The following TMEM164 variants were observed in gnomAD, a reference collection of about 807,000 sequenced individuals.
The protein encoded by TMEM164 is transmembrane protein 164.
In TMEM164, 4 loss-of-function variants were observed where a neutral mutation model predicts 18.8. The observed-to-expected ratio is 0.21, with a 90% confidence interval of 0.10 to 0.49. TMEM164 has a LOEUF of 0.49. Among genes scored for constraint, TMEM164 ranks in the 20% least tolerant of loss-of-function variants. The probability of loss-of-function intolerance (pLI) is 0.98; values close to 1 mark genes in which losing one functional copy is unlikely to be tolerated. For missense variants in TMEM164, 108 were observed against 239.9 expected, an observed-to-expected ratio of 0.45 and a Z score of 3.63; for synonymous variants, 86 against 101.7, an observed-to-expected ratio of 0.85 and a Z score of 0.93.
chrX:110,077,123 G>T (rs1020121461), intron 3 of TMEM164, among the ~76,000 whole-genome samples: 2 of 112,198 alleles, frequency 1.8e-5, no homozygotes, highest in Non-Finnish European at 3.8e-5. Flanking sequence ...TGTGTTTTAT[G>T]AATTTGGGTG....
intron 2 of TMEM164, among the ~76,000 whole-genome samples, chrX:110,005,591 T>C (rs912309445): frequency 8.0e-5 from 9 of 112,314 alleles, no homozygotes; most frequent in African/African-American, 2.9e-4. Flanking sequence ...GTGGCTGTTT[T>C]TGATTGGGTG....
chrX:110,067,593 G>A lies in TMEM164; in HGVS notation c.440+197G>A, dbSNP rs150381887. Among the ~76,000 whole-genome samples the A allele has an allele frequency of 6.3e-3, 710 of 112,249 alleles. 6 individuals carry two copies. Among genetic ancestry groups the A allele is most frequent in the African/African-American group, 0.022 (690 of 30,923 alleles). On this transcript the variant is annotated intron_variant, in intron 3 of 6. Coordinates refer to ENST00000372068, the MANE Select transcript of TMEM164 (RefSeq NM_032227.4). ...GTGAAGACCTGGTTTTTGTCAAGCC[G>A]TCAAATCCTTTTTAGCAAATCCTTC...
chrX:110,106,346 A>G (rs1275165097), intron 3 of TMEM164, among the ~76,000 whole-genome samples: 3 of 107,495 alleles, frequency 2.8e-5, no homozygotes, highest in East Asian at 5.8e-4. Context: ...TTTGAGGTCC[A>G]TGGCAAAGCC....
rs897937430 is a variant in TMEM164, at chrX:110,132,470, A to G, written c.508-12328A>G. On this transcript the variant is annotated intron_variant, in intron 4 of 6. Transcript: ENST00000372068. The stretch of plus-strand genomic sequence containing the variant: ...CTCTTTTTGAAGTTTTATCTCTCTC[A>G]TATGCACAGAGATATTTATATTCAT... Among the ~76,000 whole-genome samples the G allele has an allele frequency of 2.3e-4, 26 of 111,596 alleles. 1 individual carries two copies. The highest frequency in any genetic ancestry group is 8.5e-4 in the African/African-American group (26 of 30,654).
At chrX:110,141,030 A>G (rs962206332) in intron 4 of TMEM164, among the ~76,000 whole-genome samples, 5 of 112,011 alleles carry the variant, frequency 4.5e-5, no homozygotes, top group Non-Finnish European at 9.4e-5. Flanking sequence ...AGTCCCAGCT[A>G]CTTGGGAGGT....
downstream of TMEM164, among the ~76,000 whole-genome samples, chrX:110,182,990 G>A (rs2067329049): frequency 8.9e-6 from 1 of 112,328 alleles, no homozygotes; most frequent in East Asian, 2.8e-4. Context: ...TGATCAGCCT[G>A]GATTACAGCT....
chrX:110,022,230 T>C (rs764994912), intron 2 of TMEM164, among the ~76,000 whole-genome samples: 1 of 111,799 alleles, frequency 8.9e-6, no homozygotes, highest in Non-Finnish European at 1.9e-5. Flanking sequence ...TATTGAGTGA[T>C]ATCTCAATAT....
intron 4 of TMEM164, among the ~76,000 whole-genome samples, chrX:110,132,315 G>A (rs761298473): frequency 9.0e-6 from 1 of 111,397 alleles, no homozygotes; most frequent in Non-Finnish European, 1.9e-5. Flanking sequence ...ACAACTGTGA[G>A]CCCAACTTAA....
intron 2 of TMEM164, among the ~76,000 whole-genome samples, chrX:110,027,549 C>T (rs1934256228): frequency 9.0e-6 from 1 of 110,699 alleles, no homozygotes; most frequent in Non-Finnish European, 1.9e-5. Flanking sequence ...CACCTGAGGT[C>T]AGGAGTTCGA....
chrX:110,083,368 C>G (rs991964187), intron 3 of TMEM164, among the ~76,000 whole-genome samples: 1 of 111,062 alleles, frequency 9.0e-6, no homozygotes, highest in Admixed American at 9.7e-5. Flanking sequence ...TACATAAATT[C>G]TTCTATATGC....
chrX:110,160,559 T>C (rs1332008700), intron 5 of TMEM164, among the ~76,000 whole-genome samples: 2 of 112,121 alleles, frequency 1.8e-5, no homozygotes, highest in Non-Finnish European at 3.8e-5. Context: ...TTTCAAACAC[T>C]GTTCTGAGAA....
intron 2 of TMEM164, among the ~76,000 whole-genome samples, chrX:110,021,754 A>T (rs1197570781): frequency 8.9e-6 from 1 of 112,340 alleles, no homozygotes; most frequent in Admixed American, 9.4e-5. Flanking sequence ...TGGACTAGCT[A>T]ATCGCCTTCT....
At chrX:110,018,235 G>C (rs925427697) in intron 2 of TMEM164, among the ~76,000 whole-genome samples, 1 of 112,319 alleles carries the variant, frequency 8.9e-6, no homozygotes, top group Non-Finnish European at 1.9e-5. Flanking sequence ...GGCCAAAGAA[G>C]AAAAACGTCA....
intron 2 of TMEM164, chrX:110,055,427 A>T: frequency 8.9e-6 from 2 of 225,875 alleles, no homozygotes; most frequent in South Asian, 5.3e-5. Context: ...CAACCTACAC[A>T]ACTGTACTCG....
intron 2 of TMEM164, among the ~76,000 whole-genome samples, chrX:110,034,996 C>T (rs1421632941): frequency 1.0e-5 from 1 of 99,032 alleles, no homozygotes; most frequent in African/African-American, 3.8e-5. Context: ...CGCATATTCT[C>T]ACTCATTGGT....
intron 2 of TMEM164, among the ~76,000 whole-genome samples, chrX:110,025,150 T>A (rs755302338): frequency 7.1e-4 from 79 of 110,948 alleles, no homozygotes; most frequent in African/African-American, 2.5e-3. Context: ...CTCACGTATG[T>A]CTCCAGGTTC....
intron 2 of TMEM164, among the ~76,000 whole-genome samples, chrX:110,060,812 G>GT (rs1237874968): frequency 6.3e-5 from 7 of 111,666 alleles, no homozygotes; most frequent in African/African-American, 2.3e-4. Flanking sequence ...TTTATCTGAT[G>GT]TTTTTTCATG....
rs769791366 is a variant in TMEM164 at position 110,144,781 on chromosome X, C to T, written c.508-17C>T. ...GCTTCCTGCTCTAAAACACTTCTCT[C>T]CCTCCTATCCTCACAGCTCCCCTTT... On this transcript the variant is annotated splice_polypyrimidine_tract_variant and intron_variant, in intron 4 of 6. Transcript: ENST00000372068. The T allele has an allele frequency of 8.4e-7, 1 of 1,187,311 alleles. No homozygotes were observed. The highest frequency in any genetic ancestry group is 1.1e-6 in the Non-Finnish European group (1 of 875,919).
At chrX:110,008,105 T>G (rs1344604087) in intron 2 of TMEM164, among the ~76,000 whole-genome samples, 1 of 112,331 alleles carries the variant, frequency 8.9e-6, no homozygotes, top group East Asian at 2.8e-4. Flanking sequence ...ATTAGAAATC[T>G]AACTTCAACC....
Sources: allele counts gnomAD v4.1 joint callset (sites outside exome capture counted in the v4.1 genomes callset), GRCh38; gene constraint gnomAD v4.1.1; transcripts MANE v1.5; gene names NCBI Gene and HGNC (gene_info 2026-07-23, HGNC 2026-07-21).